Variants in NTRK1 observed in about 807,000 individuals in gnomAD.
NTRK1 encodes the protein neurotrophic receptor tyrosine kinase 1, also known as high affinity nerve growth factor receptor.
NTRK1 carries 62 observed loss-of-function variants against 86.8 expected under a neutral mutation model. The observed-to-expected ratio is 0.71, with a 90% confidence interval of 0.58 to 0.88. The LOEUF is 0.88. Ranked by LOEUF, NTRK1 falls within the 40% of genes least tolerant of loss-of-function variation. NTRK1 has a pLI of 0.00. For synonymous variants in NTRK1, 469 were observed against 456.6 expected, an observed-to-expected ratio of 1.03 and a Z score of -0.35; for missense variants, 967 against 1,078.4, an observed-to-expected ratio of 0.90 and a Z score of 1.45.
rs769022046 is a variant in NTRK1, at chr1:156,843,417, C to T, written c.50+1224C>T. ...TCCCACACCACCTGTCCACCCACTC[C>T]CAGACCTACTATCAGAGGCGCTGAA... On this transcript the variant is annotated intron_variant, in intron 2 of 16. Coordinates refer to the NTRK1 transcript ENST00000392302. 4 of 1,613,962 alleles carry T rather than the reference C, an allele frequency of 2.5e-6. No individual in the cohort carries two copies. The African/African-American group carries it at 5.3e-5, about 22-fold the overall frequency.
chr1:156,860,182 C>T (rs1023564316), upstream of NTRK1, among the ~76,000 whole-genome samples: 1 of 152,244 alleles, frequency 6.6e-6, no homozygotes, highest in Non-Finnish European at 1.5e-5. Flanking sequence ...TGAGGCGTTG[C>T]TCACTGGGGG....
intron 2 of NTRK1, chr1:156,851,505 TG>T (rs1558089885): frequency 6.2e-7 from 1 of 1,604,970 alleles, no homozygotes; most frequent in South Asian, 1.1e-5. Context: ...GGGGGCTGAA[TG>T]GGGGCCCCGG....
At position 156,881,845 on chromosome 1, in the gene NTRK1, C is replaced by T. The variant is rs1648285498; in HGVS notation, c.*203C>T. 1 of 567,652 alleles carries T rather than the reference C, an allele frequency of 1.8e-6. No homozygotes were observed. Among genetic ancestry groups the T allele is most frequent in the African/African-American group, 1.9e-5 (1 of 51,844 alleles). The allele number at this position is 567,652 out of a possible 1,614,324, so 35.2% of individuals were successfully genotyped here. Reference sequence around the variant, plus strand: ...CCGTCATAGCAATTATATTTATTATCCCTTGGCTGTGTCTCTTGCCAGTTA... The same window carrying T: ...CCGTCATAGCAATTATATTTATTATTCCTTGGCTGTGTCTCTTGCCAGTTA... On this transcript the variant is annotated 3_prime_UTR_variant, in exon 17 of 17. Transcript: ENST00000524377.
At chr1:156,873,369 CTG>C (rs1329995062) in intron 7 of NTRK1, among the ~76,000 whole-genome samples, 2 of 152,318 alleles carry the variant, frequency 1.3e-5, no homozygotes, top group East Asian at 3.9e-4. Flanking sequence ...TCCTGTGGGG[CTG>C]TGACTTATTT....
intron 1 of NTRK1, among the ~76,000 whole-genome samples, chr1:156,822,282 G>C (rs1166766353): frequency 5.3e-5 from 8 of 152,182 alleles, no homozygotes; most frequent in African/African-American, 1.9e-4. Context: ...GGGAGCTACA[G>C]ATCCTGCCAG....
chr1:156,841,585 C>T (rs1571655127), intron 1 of NTRK1: 2 of 1,611,854 alleles, frequency 1.2e-6, no homozygotes, highest in East Asian at 4.5e-5. Flanking sequence ...CAGTGCATTC[C>T]AAGGGATGGG....
intron 7 of NTRK1, among the ~76,000 whole-genome samples, chr1:156,872,851 A>T (rs1272879424): frequency 6.6e-6 from 1 of 151,108 alleles, no homozygotes; most frequent in East Asian, 1.9e-4. Flanking sequence ...AATTTTTTGT[A>T]TTTTTTTAGT....
intron 14 of NTRK1, 148 bp downstream of exon 14, chr1:156,876,720 G>A (rs751111128): frequency 1.1e-5 from 11 of 956,740 alleles, no homozygotes; most frequent in Non-Finnish European, 1.7e-5. Context: ...AGGGAGCTCT[G>A]AGATGGTAGA....
At chr1:156,851,531 A>G in intron 2 of NTRK1, 1 of 1,601,098 alleles carries the variant, frequency 6.2e-7, no homozygotes, top group Non-Finnish European at 8.6e-7. Flanking sequence ...GTGGGCCCTC[A>G]GGACTGGGAC....
chr1:156,874,701 C>T (rs2102910781), intron 10 of NTRK1, 75 bp downstream of exon 10: 1 of 1,469,812 alleles, frequency 6.8e-7, no homozygotes, highest in South Asian at 1.2e-5. Context: ...CATGTCATTT[C>T]TGGTCAGAGC....
chr1:156,846,898 C>T, intron 2 of NTRK1: 1 of 687,156 alleles, frequency 1.5e-6, no homozygotes, highest in African/African-American at 1.8e-5. Context: ...ACCTGTTAGA[C>T]CTTGGCAAGG....
chr1:156,868,570 C>A lies in NTRK1; in HGVS notation c.640C>A (p.Arg214=). Residue 214 remains arginine (R), a synonymous_variant, in exon 6 of 17, where the codon CGG becomes AGG. Transcript: ENST00000524377. The part of the protein sequence containing the change: ...SVDVGDDVLL[R]CQVEGRGLEQ... The stretch of plus-strand genomic sequence containing the variant: ...GGATGTGGGGGACGACGTGCTGCTG[C>A]GGTGCCAGGTGGAGGGGCGGGGCCT... 1 of 1,554,690 alleles carries A rather than the reference C, an allele frequency of 6.4e-7. No homozygotes were observed. Among genetic ancestry groups the A allele is most frequent in the Non-Finnish European group, 8.7e-7 (1 of 1,148,774 alleles).
chr1:156,842,257 G>C (rs1654825767), intron 2 of NTRK1: 3 of 1,613,846 alleles, frequency 1.9e-6, no homozygotes, highest in Non-Finnish European at 2.5e-6. Flanking sequence ...CTGGCTGTGG[G>C]AGCCCAGGGT....
upstream of NTRK1, chr1:156,860,692 C>A (rs1655594003): frequency 3.2e-5 from 20 of 630,022 alleles, no homozygotes; most frequent in South Asian, 6.9e-4. Context: ...GAGGCGGATC[C>A]TCGGGGAGAA....
At chr1:156,844,685 C>T (rs1654924966) in intron 2 of NTRK1, 3 of 1,613,846 alleles carry the variant, frequency 1.9e-6, no homozygotes, top group African/African-American at 1.3e-5. Flanking sequence ...GGGGCTGGGA[C>T]GGGGGTCCCA....
chr1:156,843,788 C>G (rs1276514668), intron 2 of NTRK1, among the ~76,000 whole-genome samples: 1 of 152,232 alleles, frequency 6.6e-6, no homozygotes, highest in African/African-American at 2.4e-5. Context: ...AAGGATCTGA[C>G]ATCAGGCATT....
At position 156,843,259 on chromosome 1, in the gene NTRK1, G is replaced by T. The variant is rs772824260; in HGVS notation, c.50+1066G>T. 1.1e-5 allele frequency: 17 copies of T among 1,606,558 alleles called. No individual in the cohort carries two copies. In the South Asian group the frequency reaches 1.9e-4, roughly 18 times the overall value. ...CTGCAAGGAGGTGGAGGGTCACAAA[G>T]CGAGGATGCTGCTCTCTGCCACACC... On this transcript the variant is annotated intron_variant, in intron 2 of 16. Coordinates refer to the NTRK1 transcript ENST00000392302.
intron 10 of NTRK1, 53 bp from the exon 11 acceptor site, chr1:156,874,853 C>T (rs1647797813): frequency 1.4e-6 from 2 of 1,379,548 alleles, no homozygotes; most frequent in Non-Finnish European, 2.1e-6. Flanking sequence ...CTACAGGAGG[C>T]TCTGAGAGTA....
chr1:156,849,255 G>A (rs945729660), intron 2 of NTRK1: 5 of 1,613,666 alleles, frequency 3.1e-6, no homozygotes, highest in Non-Finnish European at 3.4e-6. Flanking sequence ...CAGGCGGCGC[G>A]GTCTCCGTTG....
Sources: gnomAD v4.1 joint callset for allele counts (sites outside exome capture counted in the v4.1 genomes callset) on GRCh38, gnomAD v4.1.1 for gene constraint, MANE v1.5 for transcripts, NCBI Gene and HGNC (gene_info 2026-07-23, HGNC 2026-07-21) for gene names.